Variants in CNTNAP5 observed in about 807,000 individuals in gnomAD.
CNTNAP5 encodes the protein contactin-associated protein-like 5.
A neutral mutation model predicts 150.2 loss-of-function variants in CNTNAP5; 72 were observed. The observed-to-expected ratio is 0.48, with a 90% CI of 0.40 to 0.58. CNTNAP5 has a LOEUF of 0.58. Ranked by LOEUF, CNTNAP5 falls within the 20% of genes least tolerant of loss-of-function variation. The pLI is 0.00. For missense variants in CNTNAP5, 1,636 were observed against 1,626.2 expected (o/e 1.01, Z -0.10); for synonymous variants, 672 against 619.8 (o/e 1.08, Z -1.25).
intron 3 of CNTNAP5, among the ~76,000 whole-genome samples, chr2:124,297,385 G>T (rs938489472): frequency 6.6e-6 from 1 of 152,128 alleles, no homozygotes; most frequent in Non-Finnish European, 1.5e-5. Flanking sequence ...AAATGCACAG[G>T]AATGATACAC....
At chr2:124,587,644 G>A (rs1696567679) in intron 11 of CNTNAP5, among the ~76,000 whole-genome samples, 1 of 152,100 alleles carries the variant, frequency 6.6e-6, no homozygotes. Context: ...CCTTTGTATA[G>A]CTAGTTCCAC....
intron 6 of CNTNAP5, among the ~76,000 whole-genome samples, chr2:124,458,182 T>G (rs745587249): frequency 8.6e-6 from 1 of 116,322 alleles, no homozygotes; most frequent in African/African-American, 3.2e-5. Flanking sequence ...ATCAATCAAT[T>G]AGTGGATAAA....
chr2:124,886,010 A>G (rs909185470), intron 21 of CNTNAP5, among the ~76,000 whole-genome samples: 20 of 152,034 alleles, frequency 1.3e-4, no homozygotes, highest in African/African-American at 4.8e-4. Context: ...GCCTTTTGAA[A>G]GCCATTAACA....
At chr2:124,212,062 A>G (rs938593853) in intron 1 of CNTNAP5, among the ~76,000 whole-genome samples, 2 of 152,192 alleles carry the variant, frequency 1.3e-5, no homozygotes, top group Admixed American at 1.3e-4. Flanking sequence ...TACTCAATGA[A>G]CAGAAATACT....
At chr2:124,439,871 C>A (rs1692631231) in intron 5 of CNTNAP5, among the ~76,000 whole-genome samples, 1 of 152,142 alleles carries the variant, frequency 6.6e-6, no homozygotes, top group Non-Finnish European at 1.5e-5. Context: ...TTCTACAGCT[C>A]CCTGTTTTCC....
intron 6 of CNTNAP5, among the ~76,000 whole-genome samples, chr2:124,454,881 G>C (rs1386968139): frequency 6.6e-6 from 1 of 151,990 alleles, no homozygotes; most frequent in Non-Finnish European, 1.5e-5. Context: ...AAACCTCTGG[G>C]ATACAGCGAA....
intron 11 of CNTNAP5, among the ~76,000 whole-genome samples, chr2:124,571,164 G>T (rs1245646970): frequency 6.6e-6 from 1 of 152,000 alleles, no homozygotes; most frequent in Non-Finnish European, 1.5e-5. Flanking sequence ...TTTAGTAGTT[G>T]GACTTCAGTC....
intron 3 of CNTNAP5, among the ~76,000 whole-genome samples, chr2:124,378,797 T>A (rs1179601700): frequency 1.3e-5 from 2 of 152,120 alleles, no homozygotes; most frequent in East Asian, 3.9e-4. Context: ...TATTGCTGAC[T>A]TCATTTATTA....
At chr2:124,297,264 C>G (rs1019364187) in intron 3 of CNTNAP5, among the ~76,000 whole-genome samples, 2 of 152,208 alleles carry the variant, frequency 1.3e-5, no homozygotes, top group Admixed American at 6.5e-5. Context: ...ATGCCTGGTT[C>G]TCCGTGCCGG....
At chr2:124,352,655 T>C (rs904049286) in intron 3 of CNTNAP5, among the ~76,000 whole-genome samples, 1 of 152,148 alleles carries the variant, frequency 6.6e-6, no homozygotes, top group Non-Finnish European at 1.5e-5. Context: ...CCAGAGAATG[T>C]TTTGCCTCAT....
chr2:124,149,679 G>A (rs941758570), intron 1 of CNTNAP5, among the ~76,000 whole-genome samples: 10 of 152,256 alleles, frequency 6.6e-5, no homozygotes, highest in Non-Finnish European at 1.0e-4. Flanking sequence ...AGTGAGCAGC[G>A]CCAATCCGAG....
At chr2:124,581,383 C>T (rs1025798315) in intron 11 of CNTNAP5, among the ~76,000 whole-genome samples, 4 of 152,162 alleles carry the variant, frequency 2.6e-5, no homozygotes, top group African/African-American at 9.6e-5. Context: ...TTTAAAAAGT[C>T]CAATCCTCTA....
intron 1 of CNTNAP5, among the ~76,000 whole-genome samples, chr2:124,039,574 A>G (rs532493822): frequency 1.3e-5 from 2 of 152,286 alleles, no homozygotes; most frequent in African/African-American, 4.8e-5. Context: ...GAAAGTATAC[A>G]AATTAAATAA....
intron 17 of CNTNAP5, among the ~76,000 whole-genome samples, chr2:124,783,465 C>T (rs1292372768): frequency 3.9e-5 from 6 of 152,088 alleles, no homozygotes; most frequent in Non-Finnish European, 7.3e-5. Context: ...AATCCTCCTC[C>T]AAGCTCCATT....
chr2:124,634,747 A>G (rs1307068781), intron 12 of CNTNAP5, among the ~76,000 whole-genome samples: 1 of 152,056 alleles, frequency 6.6e-6, no homozygotes, highest in African/African-American at 2.4e-5. Context: ...CAAGTGATTC[A>G]TCCACCTATG....
chr2:124,129,979 G>T (rs934136916), intron 1 of CNTNAP5, among the ~76,000 whole-genome samples: 2 of 152,066 alleles, frequency 1.3e-5, no homozygotes, highest in African/African-American at 4.8e-5. Flanking sequence ...AAGGAAAGAA[G>T]GATCTTTTGG....
intron 16 of CNTNAP5, among the ~76,000 whole-genome samples, chr2:124,769,980 T>TTTTTATTGAATTTTACTGA (rs1429598879): frequency 6.6e-6 from 1 of 152,228 alleles, no homozygotes; most frequent in East Asian, 1.9e-4. Flanking sequence ...ATATTAACTA[T>TTTTTATTGAATTTTACTGA]TTTTATTGAA....
chr2:124,826,756 G>C (rs1682601797), intron 19 of CNTNAP5, among the ~76,000 whole-genome samples: 1 of 151,994 alleles, frequency 6.6e-6, no homozygotes. Flanking sequence ...TGCTATTATA[G>C]CCAGACACTA....
intron 2 of CNTNAP5, among the ~76,000 whole-genome samples, chr2:124,223,234 C>A (rs186075081): frequency 6.6e-6 from 1 of 152,038 alleles, no homozygotes; most frequent in Non-Finnish European, 1.5e-5. Context: ...ATCCCGTTAA[C>A]AAATCGCTTC....
Sources: gnomAD v4.1 joint callset for allele counts (sites outside exome capture counted in the v4.1 genomes callset) on GRCh38, gnomAD v4.1.1 for gene constraint, MANE v1.5 for transcripts, NCBI Gene and HGNC (gene_info 2026-07-23, HGNC 2026-07-21) for gene names.